The following PPP2R5A variants were observed in gnomAD, a reference collection of about 807,000 sequenced individuals.
The protein encoded by PPP2R5A is protein phosphatase 2 regulatory subunit B'alpha.
Under a neutral mutation model 64.2 loss-of-function variants are expected in PPP2R5A, and 25 were observed. The observed-to-expected ratio is 0.39, with a 90% confidence interval of 0.28 to 0.54. PPP2R5A has a LOEUF of 0.54. Ranked by LOEUF, PPP2R5A falls within the 20% of genes least tolerant of loss-of-function variation. The pLI, the probability that PPP2R5A is intolerant of heterozygous loss-of-function variation, is 0.67. For missense variants in PPP2R5A, 425 were observed against 576.3 expected, an observed-to-expected ratio of 0.74 and a Z score of 2.69; for synonymous variants, 198 against 201.2, an observed-to-expected ratio of 0.98 and a Z score of 0.13.
intron 1 of PPP2R5A, among the ~76,000 whole-genome samples, chr1:212,298,877 G>T (rs1658744783): frequency 2.4e-5 from 1 of 41,954 alleles, no homozygotes; most frequent in African/African-American, 2.4e-4. Context: ...CCAGGCGGGG[G>T]GCTGACCCCC....
chr1:212,350,596 G>A (rs1261171011), intron 8 of PPP2R5A, among the ~76,000 whole-genome samples: 3 of 151,858 alleles, frequency 2.0e-5, no homozygotes, highest in African/African-American at 7.3e-5. Context: ...GTAGGTTGCA[G>A]TGATCTGAGC....
rs11119917 is a variant in PPP2R5A, at chr1:212,333,448, A to G, written c.379-49A>G. The G allele has an allele frequency of 0.021, 25,475 of 1,217,780 alleles. 3,605 individuals carry two copies. The African/African-American group carries it at 0.33, about 16-fold the overall frequency. 75.4% of individuals were successfully genotyped at this position (1,217,780 alleles called of 1,614,324 possible). On this transcript the variant is annotated intron_variant, in intron 2 of 12. Transcript: ENST00000261461. The stretch of plus-strand genomic sequence containing the variant: ...AAAATACTTCGTTTTGAATTGTCCA[A>G]TTCAATTACACATACAACAACGAAC...
At chr1:212,287,282 A>T (rs1658520755) in intron 1 of PPP2R5A, among the ~76,000 whole-genome samples, 1 of 152,230 alleles carries the variant, frequency 6.6e-6, no homozygotes, top group Non-Finnish European at 1.5e-5. Flanking sequence ...GAACAAGATG[A>T]TAATGCTCCT....
intron 6 of PPP2R5A, 89 bp downstream of exon 6, chr1:212,347,495 C>A: frequency 4.1e-6 from 4 of 964,822 alleles, no homozygotes; most frequent in Non-Finnish European, 6.4e-6. Flanking sequence ...GAAATTATGT[C>A]ATATTTTAGA....
intron 1 of PPP2R5A, among the ~76,000 whole-genome samples, chr1:212,297,023 T>TGCAACA (rs1173385145): frequency 1.3e-5 from 2 of 151,638 alleles, no homozygotes; most frequent in African/African-American, 2.4e-5. Flanking sequence ...TTCCTTACAG[T>TGCAACA]GCAACAGAGA....
intron 1 of PPP2R5A, chr1:212,313,720 A>T (rs1393998192): frequency 6.6e-6 from 1 of 150,844 alleles, no homozygotes; most frequent in African/African-American, 2.4e-5. Flanking sequence ...AACCTTTTGT[A>T]TGTGTACACT....
chr1:212,326,627 T>A (rs1222844554), intron 1 of PPP2R5A, among the ~76,000 whole-genome samples: 1 of 152,130 alleles, frequency 6.6e-6, no homozygotes, highest in Non-Finnish European at 1.5e-5. Flanking sequence ...TCAAAAACTT[T>A]ACCAAATTGG....
At chr1:212,288,388 C>T (rs1658543425) in intron 1 of PPP2R5A, among the ~76,000 whole-genome samples, 1 of 152,070 alleles carries the variant, frequency 6.6e-6, no homozygotes, top group Admixed American at 6.6e-5. Flanking sequence ...ATGTAGGGTT[C>T]AACAAGTTGA....
intron 7 of PPP2R5A, 108 bp downstream of exon 7, chr1:212,348,605 AT>A (rs1361361425): frequency 9.5e-6 from 8 of 843,262 alleles, no homozygotes; most frequent in Non-Finnish European, 1.2e-5. Context: ...TAATTAAGCA[AT>A]TTGCTTACAA....
chr1:212,332,208 A>G (rs1164203140), intron 2 of PPP2R5A, among the ~76,000 whole-genome samples: 1 of 152,190 alleles, frequency 6.6e-6, no homozygotes, highest in Non-Finnish European at 1.5e-5. Flanking sequence ...GTTATTACTT[A>G]TTAAGTCTTA....
At chr1:212,357,332 T>A (rs760388772) in intron 11 of PPP2R5A, 48 bp downstream of exon 11, 7 of 1,394,448 alleles carry the variant, frequency 5.0e-6, no homozygotes, top group South Asian at 4.4e-5. Context: ...TTTTTTTTTA[T>A]ATCTTTTTGT....
chr1:212,315,389 G>A (rs1659127059), intron 1 of PPP2R5A, among the ~76,000 whole-genome samples: 1 of 152,096 alleles, frequency 6.6e-6, no homozygotes, highest in Non-Finnish European at 1.5e-5. Flanking sequence ...TGAGAATGAG[G>A]TTTCATTTTC....
intron 1 of PPP2R5A, among the ~76,000 whole-genome samples, chr1:212,315,345 G>C (rs572702188): frequency 6.6e-6 from 1 of 152,134 alleles, no homozygotes; most frequent in Non-Finnish European, 1.5e-5. Flanking sequence ...TGGACTTACT[G>C]TCTATTGAGA....
intron 1 of PPP2R5A, chr1:212,308,964 G>T: frequency 5.1e-6 from 3 of 593,934 alleles, no homozygotes; most frequent in Non-Finnish European, 5.9e-6. Context: ...GATATTCTCT[G>T]TTTGATGTAA....
chr1:212,333,603 G>A lies in PPP2R5A; in HGVS notation c.480+5G>A, dbSNP rs759806128. 5.5e-6 allele frequency: 8 copies of A among 1,459,856 alleles called. No homozygotes were observed. In the South Asian group the frequency reaches 9.1e-5, roughly 17 times the overall value. 90.4% of individuals were successfully genotyped at this position (1,459,856 alleles called of 1,614,324 possible). A position where few individuals can be genotyped will look rare whatever the true frequency, so the allele number is the denominator to read the frequency against. ...GCCTCTTGGCCTCACATACAGGTAT[G>A]GAACATAATTACGTATTGGCAGTTT... is the stretch of plus-strand genomic sequence containing the variant. On this transcript the variant is annotated splice_donor_5th_base_variant and intron_variant, in intron 3 of 12. Transcript: ENST00000261461.
chr1:212,309,611 C>G (rs1479737306), intron 1 of PPP2R5A: 3 of 603,502 alleles, frequency 5.0e-6, no homozygotes, highest in Admixed American at 2.9e-5. Context: ...CTGTTAAATC[C>G]AACATACGGT....
chr1:212,347,264 T>C (rs747026587), intron 5 of PPP2R5A, 83 bp from the exon 6 acceptor site: 27 of 992,254 alleles, frequency 2.7e-5, no homozygotes, highest in Non-Finnish European at 4.0e-5. Context: ...GTCCTTTGGA[T>C]TGATTTCTTC....
intron 1 of PPP2R5A, among the ~76,000 whole-genome samples, chr1:212,325,867 A>T (rs1452773582): frequency 6.6e-6 from 1 of 152,302 alleles, no homozygotes; most frequent in African/African-American, 2.4e-5. Context: ...TCCATCTTCT[A>T]ATTTTCAAAC....
At chr1:212,354,672 A>G (rs1028252766) in intron 8 of PPP2R5A, among the ~76,000 whole-genome samples, 1 of 151,570 alleles carries the variant, frequency 6.6e-6, no homozygotes, top group African/African-American at 2.4e-5. Context: ...TCATGTCACT[A>G]CACTCCAGCC....
Sources: allele counts gnomAD v4.1 joint callset (sites outside exome capture counted in the v4.1 genomes callset), GRCh38; gene constraint gnomAD v4.1.1; transcripts MANE v1.5; gene names NCBI Gene and HGNC (gene_info 2026-07-23, HGNC 2026-07-21).